ZNF766: variants seen among roughly 807,000 people sequenced by gnomAD.
The protein encoded by ZNF766 is zinc finger protein 766.
In ZNF766, 13 loss-of-function variants were observed where a neutral mutation model predicts 13.2. That is an observed-to-expected ratio of 0.98 (90% CI 0.64 to 1.56). ZNF766 has a LOEUF of 1.56. Ranked by LOEUF, ZNF766 falls within the 40% of genes most tolerant of loss-of-function variation. The pLI is 0.00. For synonymous variants in ZNF766, 178 were observed against 187.6 expected, an observed-to-expected ratio of 0.95 and a Z score of 0.42; for missense variants, 521 against 552.2, an observed-to-expected ratio of 0.94 and a Z score of 0.57.
intron 3 of ZNF766, among the ~76,000 whole-genome samples, chr19:52,288,997 C>T (rs148995365): frequency 0.027 from 4,086 of 151,470 alleles, 76 homozygotes; most frequent in Non-Finnish European, 0.04. Context: ...TACAGGCGCA[C>T]GCCACCACAC....
intron 3 of ZNF766, among the ~76,000 whole-genome samples, chr19:52,283,864 A>G (rs560538920): frequency 1.4e-4 from 22 of 152,262 alleles, no homozygotes; most frequent in Admixed American, 2.6e-4. Context: ...CAACCTCCCA[A>G]GTAGCTGGGA....
intron 1 of ZNF766, among the ~76,000 whole-genome samples, chr19:52,269,844 G>T (rs747533024): frequency 2.6e-5 from 4 of 152,114 alleles, no homozygotes; most frequent in Non-Finnish European, 5.9e-5. Context: ...AGCTGCTTTC[G>T]CGCCGTTTTC....
intron 3 of ZNF766, among the ~76,000 whole-genome samples, chr19:52,287,826 CT>C (rs760586759): frequency 2.0e-5 from 3 of 151,982 alleles, no homozygotes; most frequent in Non-Finnish European, 4.4e-5. Context: ...GTAATGTCCT[CT>C]TTTACCTTTC....
intron 1 of ZNF766, chr19:52,281,897 A>T (rs760955534): frequency 3.4e-6 from 2 of 595,306 alleles, no homozygotes. Flanking sequence ...TGAAAAATCT[A>T]CACTAGTTTA....
chr19:52,287,024 A>G (rs1981863536), intron 3 of ZNF766, among the ~76,000 whole-genome samples: 1 of 151,602 alleles, frequency 6.6e-6, no homozygotes, highest in African/African-American at 2.4e-5. Context: ...TAATAGAGAC[A>G]GTGTTTCACT....
At chr19:52,277,625 T>G in intron 1 of ZNF766, 1 of 1,418,976 alleles carries the variant, frequency 7.0e-7, no homozygotes, top group South Asian at 1.2e-5. Flanking sequence ...CTTCTCTGAG[T>G]CTGAAGCATC....
chr19:52,271,868 G>C (rs560666542), intron 1 of ZNF766, among the ~76,000 whole-genome samples: 1 of 151,272 alleles, frequency 6.6e-6, no homozygotes, highest in South Asian at 2.1e-4. Flanking sequence ...GCTGAGGCAG[G>C]AGAGTCACTT....
intron 2 of ZNF766, 107 bp downstream of exon 2, chr19:52,282,344 C>T (rs1368604675): frequency 7.3e-7 from 1 of 1,378,902 alleles, no homozygotes; most frequent in Non-Finnish European, 9.7e-7. Flanking sequence ...GATTGAAACC[C>T]TGTTGACTTG....
chr19:52,294,977 T>C lies in ZNF766; in HGVS notation c.*3779T>C, dbSNP rs1180309585. ...TAATATGATTAAAATATATTTGTTA[T>C]AAATATGATATTACTAGAAGAGCAT... On this transcript the variant is annotated 3_prime_UTR_variant, in exon 4 of 4. Transcript: ENST00000439461. 1 of 151,148 alleles carries C rather than the reference T, an allele frequency of 6.6e-6. No individual in the cohort carries two copies. The highest frequency in any genetic ancestry group is 1.5e-5 in the Non-Finnish European group (1 of 67,820). The allele number at this position is 151,148 out of a possible 1,614,324, so 9.4% of individuals were successfully genotyped here.
At chr19:52,277,578 A>C in intron 1 of ZNF766, 1 of 1,542,770 alleles carries the variant, frequency 6.5e-7, no homozygotes, top group Non-Finnish European at 8.7e-7. Flanking sequence ...TCTGTTTCTT[A>C]TTTCTTCCTG....
chr19:52,273,506 C>T (rs529385674), intron 1 of ZNF766, among the ~76,000 whole-genome samples: 3 of 152,258 alleles, frequency 2.0e-5, no homozygotes, highest in Admixed American at 2.0e-4. Context: ...GCCACACAGA[C>T]CTCTTTCCTG....
intron 3 of ZNF766, among the ~76,000 whole-genome samples, chr19:52,287,130 C>T (rs1413535560): frequency 3.3e-5 from 5 of 151,480 alleles, no homozygotes; most frequent in Non-Finnish European, 4.4e-5. Context: ...CCACCGTGCC[C>T]GACCTGCTCT....
chr19:52,274,107 A>G (rs965116889), intron 1 of ZNF766, among the ~76,000 whole-genome samples: 8 of 152,132 alleles, frequency 5.3e-5, no homozygotes, highest in African/African-American at 2.4e-5. Context: ...GGATGATACA[A>G]TCTCTCACTG....
At chr19:52,272,120 G>A (rs1256809500) in intron 1 of ZNF766, among the ~76,000 whole-genome samples, 1 of 151,836 alleles carries the variant, frequency 6.6e-6, no homozygotes, top group East Asian at 1.9e-4. Context: ...TGAGAACACA[G>A]TACACTAAAA....
rs868109013 is a variant in ZNF766 at position 52,290,738 on chromosome 19, A to G, written c.947A>G (p.Gln316Arg). ...TATAGTAGCAGTTCATACCTAGCAC[A>G]ACATTGGAGAATTCATACAGGAGAG... ...KVYSSSSYLA[Q>R]HWRIHTGEKL... is the part of the protein sequence containing the mutation. The change falls in exon 4 of 4, where the codon CAA (glutamine) becomes CGA (arginine). Residue 316 changes from glutamine to arginine, a missense_variant. Gln to Arg is a conservative substitution (Grantham distance 43). Transcript: ENST00000439461. 1 of 1,613,926 alleles carries G rather than the reference A, an allele frequency of 6.2e-7. No homozygotes were observed. Among genetic ancestry groups the G allele is most frequent in the South Asian group, 1.1e-5 (1 of 91,082 alleles).
chr19:52,283,845 C>T (rs1393563437), intron 3 of ZNF766, among the ~76,000 whole-genome samples: 1 of 152,210 alleles, frequency 6.6e-6, no homozygotes, highest in Non-Finnish European at 1.5e-5. Flanking sequence ...ACAAGTGAGT[C>T]CCCTGCCTCA....
chr19:52,287,493 C>A (rs60521202), intron 3 of ZNF766, among the ~76,000 whole-genome samples: 2 of 152,308 alleles, frequency 1.3e-5, no homozygotes, highest in East Asian at 3.9e-4. Flanking sequence ...GTAACACTGG[C>A]CTCATTGAAT....
At chr19:52,289,891 C>G (rs1982030183) in intron 3 of ZNF766, among the ~76,000 whole-genome samples, 175 bp from the exon 4 acceptor site, 1 of 152,160 alleles carries the variant, frequency 6.6e-6, no homozygotes, top group Non-Finnish European at 1.5e-5. Context: ...GTCCCAGCTA[C>G]TTGGGAGGCT....
intron 1 of ZNF766, among the ~76,000 whole-genome samples, chr19:52,279,862 C>A (rs1379494704): frequency 8.8e-6 from 1 of 113,816 alleles, no homozygotes; most frequent in East Asian, 2.9e-4. Context: ...GTGGTGTGAT[C>A]TCGGCTCAGT....
Sources: gnomAD v4.1 joint callset for allele counts (sites outside exome capture counted in the v4.1 genomes callset) on GRCh38, gnomAD v4.1.1 for gene constraint, MANE v1.5 for transcripts, NCBI Gene and HGNC (gene_info 2026-07-23, HGNC 2026-07-21) for gene names.